The following RBM26 variants were observed in gnomAD, a reference collection of about 807,000 sequenced individuals.
RBM26 encodes the protein RNA binding motif protein 26, also known as RNA-binding protein 26.
A neutral mutation model predicts 123.6 loss-of-function variants in RBM26; 30 were observed. The observed-to-expected ratio is 0.24, with a 90% CI of 0.18 to 0.33. The LOEUF is 0.33. Among genes scored for constraint, RBM26 ranks in the 10% least tolerant of loss-of-function variants. The pLI is 1.00. For synonymous variants in RBM26, 400 were observed against 404.4 expected, an observed-to-expected ratio of 0.99 and a Z score of 0.13; for missense variants, 947 against 1,203.6, an observed-to-expected ratio of 0.79 and a Z score of 3.15.
In RBM26 at chr13:79,334,439, TAA is replaced by T; in HGVS notation, c.2734-11_2734-10del. 3.5e-6 allele frequency: 5 copies of T among 1,443,076 alleles called. No individual in the cohort carries two copies. Among genetic ancestry groups the T allele is most frequent in the South Asian group, 1.3e-5 (1 of 76,460 alleles). The allele number at this position is 1,443,076 out of a possible 1,614,324, so 89.4% of individuals were successfully genotyped here. ...TCAATTTCACCATATTGCTTTAAAT[TAA>T]AAAAAAAGTATTTCCTCCAAATAAA... is the stretch of plus-strand genomic sequence containing the variant. On this transcript the variant is annotated splice_polypyrimidine_tract_variant and intron_variant, in intron 19 of 21. Transcript: ENST00000438737.
chr13:79,400,054 G>T (rs748687650), intron 1 of RBM26, among the ~76,000 whole-genome samples: 5 of 152,152 alleles, frequency 3.3e-5, no homozygotes, highest in Non-Finnish European at 5.9e-5. Context: ...AACAAGCTCA[G>T]AGTGAAAAGC....
intron 1 of RBM26, among the ~76,000 whole-genome samples, chr13:79,390,348 A>T (rs1180018444): frequency 1.3e-5 from 2 of 152,206 alleles, no homozygotes; most frequent in African/African-American, 4.8e-5. Context: ...CTTGCTCAAA[A>T]TAATACTCTG....
chr13:79,381,271 A>G (rs937070239), intron 1 of RBM26, among the ~76,000 whole-genome samples: 2 of 152,060 alleles, frequency 1.3e-5, no homozygotes, highest in Non-Finnish European at 2.9e-5. Context: ...TAACCACCAC[A>G]CTAGACTGCC....
intron 1 of RBM26, among the ~76,000 whole-genome samples, chr13:79,390,008 A>G (rs990429305): frequency 6.6e-6 from 1 of 152,164 alleles, no homozygotes; most frequent in Non-Finnish European, 1.5e-5. Context: ...TCTATCTATG[A>G]AAAAAAGTCA....
intron 6 of RBM26, among the ~76,000 whole-genome samples, chr13:79,367,932 C>G (rs917292625): frequency 6.6e-6 from 1 of 151,984 alleles, no homozygotes; most frequent in Non-Finnish European, 1.5e-5. Context: ...TCATTTAAAT[C>G]TCTTAAAACT....
chr13:79,353,233 A>C lies in RBM26; in HGVS notation c.1987-9T>G. On this transcript the variant is annotated splice_polypyrimidine_tract_variant and intron_variant, in intron 13 of 21. Coordinates refer to ENST00000438737, the MANE Select transcript of RBM26 (RefSeq NM_001366735.2). ...GATAACTTAGTTACATTCTAAAAAA[A>C]TTAAAATGGACATATTCAGTGTTTC... 1 of 1,490,790 alleles carries C rather than the reference A, an allele frequency of 6.7e-7. No homozygotes were observed. Among genetic ancestry groups the C allele is most frequent in the Non-Finnish European group, 9.2e-7 (1 of 1,088,638 alleles). The allele number at this position is 1,490,790 out of a possible 1,614,324, so 92.3% of individuals were successfully genotyped here.
At chr13:79,377,668 T>C (rs2076759698) in intron 2 of RBM26, among the ~76,000 whole-genome samples, 153 bp from the exon 3 acceptor site, 1 of 152,238 alleles carries the variant, frequency 6.6e-6, no homozygotes. Context: ...GGCTTACGTC[T>C]GTAATCCCAG....
chr13:79,373,845 A>C (rs948375971), intron 3 of RBM26, among the ~76,000 whole-genome samples: 2 of 148,824 alleles, frequency 1.3e-5, no homozygotes, highest in African/African-American at 2.5e-5. Flanking sequence ...AGGTGCCTCC[A>C]TTCACATTAT....
intron 21 of RBM26, among the ~76,000 whole-genome samples, 195 bp from the exon 22 acceptor site, chr13:79,320,905 C>T (rs1366571925): frequency 6.6e-6 from 1 of 151,224 alleles, no homozygotes; most frequent in Non-Finnish European, 1.5e-5. Flanking sequence ...TATTCTATTG[C>T]TTGCATGAAA....
Position 79,396,283 on chromosome 13 carries a change from A to T in RBM26, c.71+9421T>A, listed in dbSNP as rs79785155. ...TTAAACCCAAAGTGTTTTAAAAGGG[A>T]ATCATAAAAATAAAACACTGAAATA... On this transcript the variant is annotated intron_variant, in intron 1 of 21. Transcript: ENST00000438737. 6.5e-3 allele frequency among the ~76,000 whole-genome samples: 988 copies of T among 152,314 alleles called. 8 individuals are homozygous for T. Among genetic ancestry groups the T allele is most frequent in the African/African-American group, 0.023 (940 of 41,554 alleles).
chr13:79,395,362 A>T (rs1356094860), intron 1 of RBM26, among the ~76,000 whole-genome samples: 1 of 152,222 alleles, frequency 6.6e-6, no homozygotes, highest in African/African-American at 2.4e-5. Context: ...ACTATTAAAA[A>T]GAGCCAAATG....
intron 20 of RBM26, among the ~76,000 whole-genome samples, chr13:79,328,858 TCA>T (rs1288483190): frequency 6.6e-6 from 1 of 151,786 alleles, no homozygotes; most frequent in African/African-American, 2.4e-5. Flanking sequence ...AGTTTCTATT[TCA>T]GTTTGATAAA....
At position 79,358,406 on chromosome 13, in the gene RBM26, T is replaced by C; in HGVS notation, c.1557A>G (p.Pro519=). The change falls in exon 11 of 22, where the codon CCA becomes CCG. Residue 519 remains proline, a synonymous_variant. Coordinates refer to ENST00000438737, the MANE Select transcript of RBM26 (RefSeq NM_001366735.2). ...DKPNFNRTNS[P]GFQKKVQFGN... ...CAAATTGAACCTTCTTCTGAAAGCC[T>C]GGGCTGTTTGTTCTATTAAAATTTG... 6.2e-7 allele frequency: 1 copy of C among 1,610,874 alleles called. No homozygotes were observed. Among genetic ancestry groups the C allele is most frequent in the African/African-American group, 1.3e-5 (1 of 74,830 alleles).
chr13:79,317,409 G>A (rs183559337), downstream of RBM26, among the ~76,000 whole-genome samples: 1 of 151,788 alleles, frequency 6.6e-6, no homozygotes, highest in African/African-American at 2.4e-5. Context: ...AGATCATCTA[G>A]TCCAACTCTT....
intron 1 of RBM26, among the ~76,000 whole-genome samples, chr13:79,404,667 T>G (rs1421423566): frequency 6.6e-6 from 1 of 152,210 alleles, no homozygotes; most frequent in African/African-American, 2.4e-5. Flanking sequence ...TTGCAAGGAA[T>G]GTTCTTTTCC....
chr13:79,400,938 T>C (rs1037732124), intron 1 of RBM26, among the ~76,000 whole-genome samples: 25 of 152,306 alleles, frequency 1.6e-4, no homozygotes, highest in African/African-American at 5.8e-4. Context: ...ACTTCAAGAT[T>C]TACCAGCGAC....
intron 19 of RBM26, among the ~76,000 whole-genome samples, chr13:79,335,870 G>A (rs1458646835): frequency 6.6e-6 from 1 of 152,030 alleles, no homozygotes; most frequent in Non-Finnish European, 1.5e-5. Context: ...TTTCTCTTGT[G>A]GAAGGTGTGG....
intron 1 of RBM26, among the ~76,000 whole-genome samples, chr13:79,379,151 A>G (rs978221884): frequency 6.6e-5 from 10 of 152,134 alleles, no homozygotes; most frequent in Non-Finnish European, 1.3e-4. Flanking sequence ...GCAAAAAAAG[A>G]AAGTCTAGAA....
At chr13:79,358,251 C>T (rs963635942) in intron 11 of RBM26, 23 bp downstream of exon 11, 2 of 1,558,066 alleles carry the variant, frequency 1.3e-6, no homozygotes, top group Admixed American at 2.1e-5. Context: ...GAAGAGATAA[C>T]AAAACCATTT....
Sources: gnomAD v4.1 joint callset for allele counts (sites outside exome capture counted in the v4.1 genomes callset) on GRCh38, gnomAD v4.1.1 for gene constraint, MANE v1.5 for transcripts, NCBI Gene and HGNC (gene_info 2026-07-23, HGNC 2026-07-21) for gene names.